Variants in PRMT8 observed in about 807,000 individuals in gnomAD.
PRMT8 encodes protein arginine methyltransferase 8.
Under a neutral mutation model 47.1 loss-of-function variants are expected in PRMT8, and 7 were observed. That is an observed-to-expected ratio of 0.15 (90% CI 0.08 to 0.28). The LOEUF (loss-of-function observed/expected upper bound fraction) is 0.28. Ranked by LOEUF, PRMT8 falls within the 10% of genes least tolerant of loss-of-function variation. PRMT8 has a pLI of 1.00. For missense variants in PRMT8, 237 were observed against 505.4 expected (o/e 0.47, Z 5.09); for synonymous variants, 188 against 186.5 (o/e 1.01, Z -0.07).
intron 2 of PRMT8, among the ~76,000 whole-genome samples, chr12:3,543,887 A>T (rs540369301): frequency 8.7e-4 from 133 of 152,074 alleles, no homozygotes; most frequent in Non-Finnish European, 1.7e-3. Flanking sequence ...GACCTCCCAG[A>T]CCCCAGCTCT....
At chr12:3,467,164 T>A (rs969194450) in intron 1 of PRMT8, among the ~76,000 whole-genome samples, 4 of 124,644 alleles carry the variant, frequency 3.2e-5, no homozygotes, top group Admixed American at 2.3e-4. Flanking sequence ...GGCATGAACC[T>A]GGGAGGCGGA....
intron 1 of PRMT8, among the ~76,000 whole-genome samples, chr12:3,454,233 G>A (rs1864950603): frequency 6.6e-6 from 1 of 151,784 alleles, no homozygotes. Context: ...TTCTCCTGAA[G>A]CCGCTTCTTC....
At chr12:3,523,699 A>G (rs1335094984) in intron 1 of PRMT8, among the ~76,000 whole-genome samples, 1 of 152,196 alleles carries the variant, frequency 6.6e-6, no homozygotes, top group South Asian at 2.1e-4. Context: ...TTTCCCCTGA[A>G]ATGGAATACC....
At chr12:3,519,132 ACG>A (rs1865839817) in intron 1 of PRMT8, among the ~76,000 whole-genome samples, 1 of 152,136 alleles carries the variant, frequency 6.6e-6, no homozygotes, top group African/African-American at 2.4e-5. Context: ...GTCTTTGCAG[ACG>A]GACAGAGGGG....
chr12:3,454,490 G>A (rs1261810417), intron 1 of PRMT8, among the ~76,000 whole-genome samples: 1 of 152,134 alleles, frequency 6.6e-6, no homozygotes, highest in Non-Finnish European at 1.5e-5. Flanking sequence ...TAGGAAGGAA[G>A]GGAAACTAAA....
At chr12:3,491,945 A>G (rs924683504) in intron 1 of PRMT8, among the ~76,000 whole-genome samples, 4 of 150,044 alleles carry the variant, frequency 2.7e-5, no homozygotes, top group South Asian at 4.3e-4. Context: ...TTGAAAATGC[A>G]AAACAGTCAC....
chr12:3,532,457 A>G (rs1866046374), intron 1 of PRMT8, among the ~76,000 whole-genome samples: 1 of 149,780 alleles, frequency 6.7e-6, no homozygotes, highest in Non-Finnish European at 1.5e-5. Context: ...TAAAAATACA[A>G]AAAAATTAGC....
At chr12:3,449,943 T>C (rs777853638) in intron 1 of PRMT8, among the ~76,000 whole-genome samples, 1 of 152,240 alleles carries the variant, frequency 6.6e-6, no homozygotes, top group Non-Finnish European at 1.5e-5. Flanking sequence ...ATTTTCTGCT[T>C]ATGGCTAGCC....
intron 1 of PRMT8, among the ~76,000 whole-genome samples, chr12:3,454,596 C>CA (rs1193602804): frequency 6.6e-6 from 1 of 152,070 alleles, no homozygotes; most frequent in East Asian, 1.9e-4. Context: ...TGGCATTTCT[C>CA]AAGCGGGAGA....
At chr12:3,429,903 G>C (rs1378517133) in intron 1 of PRMT8, among the ~76,000 whole-genome samples, 1 of 152,246 alleles carries the variant, frequency 6.6e-6, no homozygotes, top group Non-Finnish European at 1.5e-5. Flanking sequence ...CACAGGGCAG[G>C]CCTAAGCTGC....
chr12:3,533,595 C>T (rs1397672881), intron 1 of PRMT8, among the ~76,000 whole-genome samples: 2 of 152,196 alleles, frequency 1.3e-5, no homozygotes, highest in East Asian at 3.9e-4. Context: ...GCTTCCAGCC[C>T]CGAGGGTAAG....
At chr12:3,384,419 T>G (rs1176429955) in intron 1 of PRMT8, among the ~76,000 whole-genome samples, 1 of 152,250 alleles carries the variant, frequency 6.6e-6, no homozygotes, top group Admixed American at 6.5e-5. Flanking sequence ...TACTTTGAAC[T>G]GCAAATGATA....
intron 1 of PRMT8, among the ~76,000 whole-genome samples, chr12:3,405,555 G>A (rs2137053314): frequency 6.6e-6 from 1 of 152,312 alleles, no homozygotes; most frequent in Non-Finnish European, 1.5e-5. Flanking sequence ...TCAAAAGCAA[G>A]TTAGTTACTT....
intron 1 of PRMT8, among the ~76,000 whole-genome samples, chr12:3,417,192 T>C (rs1220468844): frequency 6.6e-6 from 1 of 152,218 alleles, no homozygotes; most frequent in Non-Finnish European, 1.5e-5. Context: ...TTTTGGAGTC[T>C]CTTGTTGCCA....
rs539529414 is a variant in PRMT8 at position 3,400,236 on chromosome 12, A to AC, written c.48+18794_48+18795insC. 5.9e-3 allele frequency among the ~76,000 whole-genome samples: 896 copies of AC among 152,310 alleles called. 5 individuals are homozygous for AC. The highest frequency in any genetic ancestry group is 9.6e-3 in the Non-Finnish European group (654 of 68,022). The stretch of plus-strand genomic sequence containing the variant: ...CAAATCCAAGAGCTCTTGTTTTGAA[A>AC]AAAATTACTAAAATAGGTAGACCAC... On this transcript the variant is annotated intron_variant, in intron 1 of 9. Coordinates refer to the PRMT8 transcript ENST00000452611.
intron 1 of PRMT8, among the ~76,000 whole-genome samples, chr12:3,515,486 G>A (rs558356384): frequency 6.6e-6 from 1 of 152,246 alleles, no homozygotes; most frequent in African/African-American, 2.4e-5. Context: ...TGCACGTTGT[G>A]CACATGTACC....
intron 1 of PRMT8, among the ~76,000 whole-genome samples, chr12:3,412,822 C>A (rs1345638597): frequency 1.3e-5 from 2 of 152,094 alleles, no homozygotes; most frequent in African/African-American, 4.8e-5. Flanking sequence ...ACCATATTGG[C>A]CAGGCTGGTC....
Position 3,569,912 on chromosome 12 carries a change from CA to C in PRMT8, c.712+352del, listed in dbSNP as rs576962454. The stretch of plus-strand genomic sequence containing the variant: ...GAAACCTGTCAAGGTTCAGTTAGCC[CA>C]AAAGTCCACCGCAGGGGTCTGAAGT... On this transcript the variant is annotated intron_variant, in intron 6 of 9. Coordinates refer to ENST00000382622, the MANE Select transcript of PRMT8 (RefSeq NM_019854.5). This position sits in a 1 kb window ranked among gnomAD's most constrained non-coding sequence, Gnocchi z 8.2. Among the ~76,000 whole-genome samples the C allele has an allele frequency of 2.0e-4, 30 of 152,256 alleles. No individual in the cohort carries two copies. The highest frequency in any genetic ancestry group is 7.0e-4 in the African/African-American group (29 of 41,540).
At chr12:3,567,224 C>T (rs1051819957) in intron 4 of PRMT8, among the ~76,000 whole-genome samples, 5 of 152,320 alleles carry the variant, frequency 3.3e-5, no homozygotes, top group South Asian at 2.1e-4. Flanking sequence ...TTCATTTGAT[C>T]AATACAATCA....
Sources: allele counts gnomAD v4.1 joint callset (sites outside exome capture counted in the v4.1 genomes callset), GRCh38; gene constraint gnomAD v4.1.1; non-coding constraint Gnocchi (gnomAD v3.1); transcripts MANE v1.5; gene names NCBI Gene and HGNC (gene_info 2026-07-23, HGNC 2026-07-21).